SORCS1: variants seen among roughly 807,000 people sequenced by gnomAD.
SORCS1 encodes sortilin related VPS10 domain containing receptor 1.
A neutral mutation model predicts 146.1 loss-of-function variants in SORCS1; 60 were observed. That is an observed-to-expected ratio of 0.41 (90% CI 0.33 to 0.51). The LOEUF (loss-of-function observed/expected upper bound fraction) is 0.51, where lower values mean the gene tolerates loss of function less well. Ranked by LOEUF, SORCS1 falls within the 20% of genes least tolerant of loss-of-function variation. The pLI is 0.21. For synonymous variants in SORCS1, 637 were observed against 584.0 expected (o/e 1.09, Z -1.31); for missense variants, 1,352 against 1,487.6 (o/e 0.91, Z 1.50).
At chr10:106,788,693 G>T (rs895976031) in intron 3 of SORCS1, among the ~76,000 whole-genome samples, 1 of 152,332 alleles carries the variant, frequency 6.6e-6, no homozygotes, top group Non-Finnish European at 1.5e-5. Flanking sequence ...TCCCCCTGTG[G>T]CTTTGCAGGG....
chr10:107,037,475 T>G (rs1958952492), intron 1 of SORCS1, among the ~76,000 whole-genome samples: 1 of 152,244 alleles, frequency 6.6e-6, no homozygotes, highest in Non-Finnish European at 1.5e-5. Flanking sequence ...ATGTTTGCAT[T>G]TCTATCTGGC....
intron 1 of SORCS1, among the ~76,000 whole-genome samples, chr10:106,973,024 C>G (rs747784591): frequency 2.0e-5 from 3 of 152,162 alleles, no homozygotes; most frequent in Admixed American, 1.3e-4. Context: ...CTTTGTATCA[C>G]ATTCACTGAG....
rs373433119 is a variant in SORCS1 at position 107,034,615 on chromosome 10, G to A, written c.559-78035C>T. ...GAATTGCTTGAACCTGGGAGGCACA[G>A]GTTGCAGTGAGCCGAGATCCCACCA... On this transcript the variant is annotated intron_variant, in intron 1 of 25. Transcript: ENST00000263054. Among the ~76,000 whole-genome samples the A allele has an allele frequency of 6.4e-5, 9 of 140,008 alleles. No individual in the cohort carries two copies. The East Asian group carries it at 1.8e-3, about 28-fold the overall frequency. 91.9% of individuals were successfully genotyped at this position (140,008 alleles called of 152,430 possible).
chr10:106,706,513 G>T, intron 8 of SORCS1, 32 bp downstream of exon 8: 4 of 1,600,046 alleles, frequency 2.5e-6, no homozygotes, highest in Non-Finnish European at 3.4e-6. Flanking sequence ...TGAGAGTCAA[G>T]AGTGAAATGA....
chr10:106,590,656 G>C (rs1845545358), intron 24 of SORCS1, among the ~76,000 whole-genome samples: 1 of 152,104 alleles, frequency 6.6e-6, no homozygotes, highest in East Asian at 1.9e-4. Context: ...GCTGTTTTAT[G>C]TTTTTGTTTT....
intron 1 of SORCS1, among the ~76,000 whole-genome samples, chr10:107,145,045 A>G (rs1968193906): frequency 6.6e-6 from 1 of 152,224 alleles, no homozygotes; most frequent in African/African-American, 2.4e-5. Context: ...GGTGGCAATA[A>G]TCTCTATCTT....
chr10:106,712,084 G>A (rs1029123704), intron 6 of SORCS1, among the ~76,000 whole-genome samples: 1 of 152,128 alleles, frequency 6.6e-6, no homozygotes, highest in Non-Finnish European at 1.5e-5. Context: ...TCTGTTCATG[G>A]TACTGAAAGC....
At chr10:106,592,821 A>G (rs1012150922) in intron 24 of SORCS1, among the ~76,000 whole-genome samples, 1 of 145,422 alleles carries the variant, frequency 6.9e-6, no homozygotes, top group Non-Finnish European at 1.5e-5. Flanking sequence ...CTTCCTAGCC[A>G]CCCAAATATT....
At chr10:107,125,603 G>A (rs1966670182) in intron 1 of SORCS1, among the ~76,000 whole-genome samples, 2 of 152,222 alleles carry the variant, frequency 1.3e-5, no homozygotes, top group African/African-American at 4.8e-5. Context: ...TTTTGGGACT[G>A]CATCAGAAGG....
chr10:106,627,128 C>T (rs753248751), intron 19 of SORCS1, among the ~76,000 whole-genome samples: 49 of 152,064 alleles, frequency 3.2e-4, no homozygotes, highest in Non-Finnish European at 5.0e-4. Context: ...TCCAGGATTT[C>T]GTTAACTAGG....
At chr10:107,082,832 G>A (rs998230168) in intron 1 of SORCS1, among the ~76,000 whole-genome samples, 5 of 152,034 alleles carry the variant, frequency 3.3e-5, no homozygotes, top group African/African-American at 1.2e-4. Flanking sequence ...AAGTCCAAGA[G>A]CTGGATTTCT....
intron 1 of SORCS1, among the ~76,000 whole-genome samples, chr10:107,119,021 T>G (rs542024889): frequency 6.6e-6 from 1 of 152,202 alleles, no homozygotes; most frequent in East Asian, 1.9e-4. Flanking sequence ...ACAGGTCATA[T>G]TGTTCTTTGC....
In SORCS1 at chr10:106,971,815, G is replaced by A. The variant is rs369599217; in HGVS notation, c.559-15235C>T. ...TCTAGGAAAAGACAGCCCTGGGTCAGTGCAAATATAACAGGGTGCAGATTT... is the reference window on the plus strand; with the variant it reads ...TCTAGGAAAAGACAGCCCTGGGTCAATGCAAATATAACAGGGTGCAGATTT... On this transcript the variant is annotated intron_variant, in intron 1 of 25. Coordinates refer to ENST00000263054, the MANE Select transcript of SORCS1 (RefSeq NM_052918.5). Among the ~76,000 whole-genome samples, 45 of 152,302 alleles carry A rather than the reference G, an allele frequency of 3.0e-4. 1 individual carries two copies. The East Asian group carries it at 4.4e-3, about 15-fold the overall frequency.
the SORCS1 span, among the ~76,000 whole-genome samples, chr10:107,169,997 A>G: frequency 3.9e-5 from 6 of 152,306 alleles, no homozygotes; most frequent in East Asian, 9.6e-4. Flanking sequence ...TATTTTTCCA[A>G]TTTTAATATT....
At chr10:106,950,247 G>C (rs1295483220) in intron 2 of SORCS1, among the ~76,000 whole-genome samples, 1 of 152,178 alleles carries the variant, frequency 6.6e-6, no homozygotes, top group East Asian at 1.9e-4. Flanking sequence ...GACCAACCGG[G>C]AGCAAAAGCT....
At chr10:106,774,615 G>T (rs987422235) in intron 4 of SORCS1, among the ~76,000 whole-genome samples, 1 of 152,120 alleles carries the variant, frequency 6.6e-6, no homozygotes, top group Non-Finnish European at 1.5e-5. Context: ...ATCCATTAAA[G>T]TCCAGCTGAA....
At chr10:107,065,815 G>A (rs1961795564) in intron 1 of SORCS1, among the ~76,000 whole-genome samples, 1 of 152,034 alleles carries the variant, frequency 6.6e-6, no homozygotes, top group East Asian at 1.9e-4. Flanking sequence ...ACCACTCCCA[G>A]CCCTAGGCTG....
At chr10:106,844,836 G>T (rs1461710171) in intron 2 of SORCS1, among the ~76,000 whole-genome samples, 1 of 146,192 alleles carries the variant, frequency 6.8e-6, no homozygotes, top group African/African-American at 2.5e-5. Flanking sequence ...GCGGTGTTTG[G>T]TTTTTTGTTC....
At chr10:106,918,812 G>C (rs7899275) in intron 2 of SORCS1, among the ~76,000 whole-genome samples, 66,316 of 151,940 alleles carry the variant, frequency 0.44, 14,972 homozygotes, top group African/African-American at 0.55. Context: ...TGTATAATTT[G>C]AAAATAATTG....
Sources: allele counts gnomAD v4.1 joint callset (sites outside exome capture counted in the v4.1 genomes callset), GRCh38; gene constraint gnomAD v4.1.1; transcripts MANE v1.5; gene names NCBI Gene and HGNC (gene_info 2026-07-23, HGNC 2026-07-21).